The following ASB15 variants were observed in gnomAD, a reference collection of about 807,000 sequenced individuals.
ASB15 encodes the protein ankyrin repeat and SOCS box protein 15.
Under a neutral mutation model 58.0 loss-of-function variants are expected in ASB15, and 54 were observed. The observed-to-expected ratio is 0.93, with a 90% CI of 0.75 to 1.17. ASB15 has a LOEUF of 1.17. Among genes scored for constraint, ASB15 ranks in the 50% most tolerant of loss-of-function variants. The probability of loss-of-function intolerance (pLI) is 0.00; values close to 1 mark genes in which losing one functional copy is unlikely to be tolerated. For synonymous variants in ASB15, 249 were observed against 262.4 expected (o/e 0.95, Z 0.50); for missense variants, 680 against 707.4 (o/e 0.96, Z 0.44).
chr7:123,588,604 T>C (rs1322576204), intron 1 of ASB15, among the ~76,000 whole-genome samples: 2 of 151,234 alleles, frequency 1.3e-5, no homozygotes, highest in East Asian at 3.9e-4. Flanking sequence ...TCTGTCTTTT[T>C]TCTACTAACT....
At chr7:123,593,080 C>A (rs1799586817) in intron 1 of ASB15, among the ~76,000 whole-genome samples, 1 of 151,974 alleles carries the variant, frequency 6.6e-6, no homozygotes, top group African/African-American at 2.4e-5. Context: ...TTATCAGAGA[C>A]CAGGATTGCA....
upstream of ASB15, among the ~76,000 whole-genome samples, chr7:123,601,503 G>T (rs775597111): frequency 2.0e-5 from 3 of 152,076 alleles, no homozygotes; most frequent in Non-Finnish European, 2.9e-5. Context: ...AGTGGATTAG[G>T]CTCTGACAAC....
intron 1 of ASB15, among the ~76,000 whole-genome samples, chr7:123,588,520 C>CCTTT (rs533303990): frequency 2.0e-4 from 30 of 149,648 alleles, no homozygotes; most frequent in African/African-American, 4.4e-4. Flanking sequence ...CTCTGATTTT[C>CCTTT]CTTTCTTTCT....
intron 1 of ASB15, among the ~76,000 whole-genome samples, chr7:123,574,535 C>A (rs1420419510): frequency 6.6e-6 from 1 of 152,146 alleles, no homozygotes; most frequent in Non-Finnish European, 1.5e-5. Flanking sequence ...ACTTTAAGAA[C>A]CGCTAGTTAA....
intron 8 of ASB15, among the ~76,000 whole-genome samples, chr7:123,626,583 C>T (rs1801789169): frequency 1.3e-5 from 2 of 152,220 alleles, no homozygotes; most frequent in South Asian, 2.1e-4. Context: ...CTTAGTTTCT[C>T]TCATGATTTT....
chr7:123,624,947 C>T (rs1801676653), intron 8 of ASB15, 133 bp downstream of exon 8: 1 of 1,136,172 alleles, frequency 8.8e-7, no homozygotes, highest in African/African-American at 1.6e-5. Flanking sequence ...AACTTGGCAT[C>T]AGGTTTTCCC....
rs1414299912 is a variant in ASB15 at position 123,636,856 on chromosome 7, C to T, written c.1642C>T (p.Leu548Phe). ...KHLCRLKIRR[L>F]MGLQKLCQPA... is the part of the protein sequence containing the mutation. ...TTTGTGTCGGTTAAAAATTCGAAGG[C>T]TTATGGGTCTCCAGAAACTCTGCCA... Residue 548 changes from leucine to phenylalanine, a missense_variant, in exon 12 of 12, where the codon CTT (leucine) becomes TTT (phenylalanine). Leu to Phe is a conservative substitution (Grantham distance 22, BLOSUM62 0). Coordinates refer to ENST00000451215, the MANE Select transcript of ASB15 (RefSeq NM_001290258.2). The T allele has an allele frequency of 6.2e-7, 1 of 1,612,122 alleles. No homozygotes were observed.
intron 1 of ASB15, among the ~76,000 whole-genome samples, chr7:123,593,906 T>A (rs1320196117): frequency 6.6e-6 from 1 of 152,230 alleles, no homozygotes; most frequent in Non-Finnish European, 1.5e-5. Context: ...CCCGTCACTT[T>A]CAGGTACACC....
At chr7:123,590,032 T>A (rs1262860695) in intron 1 of ASB15, among the ~76,000 whole-genome samples, 2 of 152,212 alleles carry the variant, frequency 1.3e-5, no homozygotes, top group Admixed American at 1.3e-4. Flanking sequence ...TGAGATGGTA[T>A]CTCATTGTGG....
chr7:123,598,039 C>T (rs781470459), upstream of ASB15, among the ~76,000 whole-genome samples: 1 of 150,852 alleles, frequency 6.6e-6, no homozygotes, highest in Non-Finnish European at 1.5e-5. Context: ...CAATGGTAAG[C>T]TTTTGGGACT....
At chr7:123,635,359 T>C (rs1802363657) in intron 11 of ASB15, among the ~76,000 whole-genome samples, 1 of 152,160 alleles carries the variant, frequency 6.6e-6, no homozygotes, top group Non-Finnish European at 1.5e-5. Context: ...TATTTTATTT[T>C]GCAATAAAAA....
chr7:123,635,583 C>CTTTTTTTTTTTTTTTTTTTT (rs5887149), intron 11 of ASB15, among the ~76,000 whole-genome samples: 1 of 81,696 alleles, frequency 1.2e-5, no homozygotes. Flanking sequence ...AAATTAATTG[C>CTTTTTTTTTTTTTTTTTTTT]TTTTTTTTTT....
intron 1 of ASB15, among the ~76,000 whole-genome samples, chr7:123,589,582 G>T (rs555868834): frequency 6.6e-6 from 1 of 152,024 alleles, no homozygotes; most frequent in East Asian, 1.9e-4. Flanking sequence ...TTGGTTTTAT[G>T]TCCTTGTGAT....
intron 1 of ASB15, among the ~76,000 whole-genome samples, chr7:123,588,705 T>G (rs997955325): frequency 6.6e-6 from 1 of 151,618 alleles, no homozygotes; most frequent in African/African-American, 2.4e-5. Flanking sequence ...CATAGGTGTT[T>G]ACTGCTATGC....
rs1319487275 is a variant in ASB15, at chr7:123,639,272, G to GA, written c.*2292dup. On this transcript the variant is annotated 3_prime_UTR_variant, in exon 12 of 12. Transcript: ENST00000451215. ...TAATTTTAACTTCTTGTATTCCCTA[G>GA]AGGATATATTTTATATGTAAGTTAA... The GA allele has an allele frequency of 6.6e-6, 1 of 152,188 alleles. No homozygotes were observed. Among genetic ancestry groups the GA allele is most frequent in the East Asian group, 1.9e-4 (1 of 5,182 alleles). 9.4% of individuals were successfully genotyped at this position (152,188 alleles called of 1,614,324 possible).
intron 9 of ASB15, 55 bp from the exon 10 acceptor site, chr7:123,628,805 GTTTA>G (rs1801960160): frequency 8.3e-7 from 1 of 1,210,268 alleles, no homozygotes; most frequent in African/African-American, 1.5e-5. Flanking sequence ...GAGAACGGTA[GTTTA>G]TTTAATTTCT....
At chr7:123,632,861 A>C (rs1324212759) in intron 11 of ASB15, among the ~76,000 whole-genome samples, 1 of 152,224 alleles carries the variant, frequency 6.6e-6, no homozygotes, top group Non-Finnish European at 1.5e-5. Flanking sequence ...TTGGGCACAT[A>C]GGCAAAAAGA....
At chr7:123,593,878 T>C (rs1584744411) in intron 1 of ASB15, among the ~76,000 whole-genome samples, 1 of 152,316 alleles carries the variant, frequency 6.6e-6, no homozygotes, top group East Asian at 1.9e-4. Flanking sequence ...GAGTGTTTTC[T>C]AACTTGGTTC....
intron 1 of ASB15, among the ~76,000 whole-genome samples, chr7:123,574,793 G>T (rs1799017664): frequency 6.6e-6 from 1 of 151,940 alleles, no homozygotes; most frequent in Non-Finnish European, 1.5e-5. Flanking sequence ...TTCTTATCTA[G>T]TAACAGGCAG....
Sources: allele counts gnomAD v4.1 joint callset (sites outside exome capture counted in the v4.1 genomes callset), GRCh38; gene constraint gnomAD v4.1.1; transcripts MANE v1.5; gene names NCBI Gene and HGNC (gene_info 2026-07-23, HGNC 2026-07-21).